Variants in FRMD3 observed in about 807,000 individuals in gnomAD.
The protein encoded by FRMD3 is FERM domain-containing protein 3.
FRMD3 carries 33 observed loss-of-function variants against 70.2 expected under a neutral mutation model. The observed-to-expected ratio is 0.47, with a 90% CI of 0.36 to 0.63. FRMD3 has a LOEUF of 0.63. Among genes scored for constraint, FRMD3 ranks in the 20% least tolerant of loss-of-function variants. The pLI is 0.00. For missense variants in FRMD3, 632 were observed against 711.4 expected (o/e 0.89, Z 1.27); for synonymous variants, 279 against 255.9 (o/e 1.09, Z -0.86).
intron 6 of FRMD3, among the ~76,000 whole-genome samples, chr9:83,317,333 C>A (rs1308497092): frequency 2.0e-5 from 3 of 152,042 alleles, no homozygotes; most frequent in African/African-American, 7.2e-5. Context: ...TGCAAAACTT[C>A]ACCCTAACGA....
chr9:83,315,214 G>T (rs1835519904), intron 6 of FRMD3, among the ~76,000 whole-genome samples: 1 of 152,084 alleles, frequency 6.6e-6, no homozygotes, highest in Non-Finnish European at 1.5e-5. Context: ...CTGCATTAAT[G>T]CTGCTTTCTT....
the FRMD3 span, among the ~76,000 whole-genome samples, chr9:83,569,043 T>A: frequency 6.6e-6 from 1 of 152,092 alleles, no homozygotes; most frequent in East Asian, 1.9e-4. Context: ...ATAGCCAATA[T>A]GAGTAAGGGA....
intron 3 of FRMD3, among the ~76,000 whole-genome samples, chr9:83,360,608 C>T (rs186182625): frequency 6.6e-6 from 1 of 152,234 alleles, no homozygotes; most frequent in East Asian, 1.9e-4. Context: ...AAGGACTTCC[C>T]CCAGGAGAGG....
intron 1 of FRMD3, among the ~76,000 whole-genome samples, chr9:83,452,504 C>T (rs901357824): frequency 5.9e-5 from 9 of 151,774 alleles, no homozygotes; most frequent in South Asian, 2.1e-4. Flanking sequence ...TTTTTTGAGA[C>T]GGAGTCTCGC....
In FRMD3 at chr9:83,248,388, T is replaced by C; in HGVS notation, c.1324A>G (p.Ile442Val). The change falls in exon 14 of 14, where the codon ATC becomes GTC. Residue 442 changes from isoleucine to valine, a missense_variant. By Grantham distance (29) the Ile-to-Val change is conservative. Transcript: ENST00000304195. ...CTTGGGTTGTACACTAGTTCAGAGATGGTTAAAGGTTCTTCTTTTATTTTA... is the reference window on the plus strand; with the variant it reads ...CTTGGGTTGTACACTAGTTCAGAGACGGTTAAAGGTTCTTCTTTTATTTTA... ...EDKIKEEPLT[I>V]SELVYNPSAS... 1 of 1,614,120 alleles carries C rather than the reference T, an allele frequency of 6.2e-7. No homozygotes were observed. The highest frequency in any genetic ancestry group is 8.5e-7 in the Non-Finnish European group (1 of 1,180,008).
chr9:83,254,401 T>C (rs919599547), intron 13 of FRMD3, among the ~76,000 whole-genome samples: 3 of 151,698 alleles, frequency 2.0e-5, no homozygotes, highest in African/African-American at 7.3e-5. Flanking sequence ...TCCAAATACC[T>C]TTCACTTACA....
chr9:83,357,819 T>A (rs1333040559), intron 3 of FRMD3, among the ~76,000 whole-genome samples: 1 of 152,236 alleles, frequency 6.6e-6, no homozygotes, highest in Non-Finnish European at 1.5e-5. Context: ...AGATTCTGGA[T>A]ATTAGTCCTT....
At chr9:83,486,878 G>A (rs1402889441) in intron 1 of FRMD3, among the ~76,000 whole-genome samples, 2 of 152,108 alleles carry the variant, frequency 1.3e-5, no homozygotes, top group Admixed American at 1.3e-4. Flanking sequence ...AGCAATGACT[G>A]AATATTCAAC....
the FRMD3 span, among the ~76,000 whole-genome samples, chr9:83,547,474 T>C: frequency 1.3e-5 from 2 of 151,882 alleles, no homozygotes; most frequent in South Asian, 2.1e-4. Context: ...GATCAATTCA[T>C]CAAGAAGATA....
the FRMD3 span, among the ~76,000 whole-genome samples, chr9:83,552,268 G>A: frequency 2.6e-5 from 4 of 152,132 alleles, no homozygotes; most frequent in South Asian, 2.1e-4. Context: ...TAATTTCCAC[G>A]TAATTGTATG....
chr9:83,579,743 T>G, the FRMD3 span, among the ~76,000 whole-genome samples: 1 of 152,072 alleles, frequency 6.6e-6, no homozygotes, highest in African/African-American at 2.4e-5. Flanking sequence ...TTTTTGGATA[T>G]GGCCCTGAAA....
chr9:83,482,414 G>T (rs1828588894), intron 1 of FRMD3, among the ~76,000 whole-genome samples: 1 of 152,108 alleles, frequency 6.6e-6, no homozygotes, highest in Non-Finnish European at 1.5e-5. Flanking sequence ...AGGGCTGTTA[G>T]GATATTCCAA....
the FRMD3 span, among the ~76,000 whole-genome samples, chr9:83,567,126 C>T: frequency 6.6e-6 from 1 of 152,218 alleles, no homozygotes; most frequent in East Asian, 1.9e-4. Flanking sequence ...GCAGAGGTTC[C>T]CAAACCTCAG....
chr9:83,265,494 T>C (rs753884555), intron 13 of FRMD3, among the ~76,000 whole-genome samples: 6 of 151,752 alleles, frequency 4.0e-5, no homozygotes, highest in Non-Finnish European at 7.4e-5. Flanking sequence ...ACATTAACAT[T>C]TGTAAAATAT....
At position 83,507,691 on chromosome 9, in the gene FRMD3, C is replaced by CATATATATAT. The variant is rs34251863; in HGVS notation, c.147+30384_147+30393dup. On this transcript the variant is annotated intron_variant, in intron 1 of 13. Transcript: ENST00000304195. ...TCTCAAACAAAAAAAAATATACATA[C>CATATATATAT]ATATATATATATATATATATATATA... 2.3e-3 allele frequency among the ~76,000 whole-genome samples: 112 copies of CATATATATAT among 49,188 alleles called. 3 individuals are homozygous for CATATATATAT. The highest frequency in any genetic ancestry group is 2.9e-3 in the Non-Finnish European group (82 of 28,714). 32.3% of individuals were successfully genotyped at this position (49,188 alleles called of 152,430 possible).
chr9:83,447,226 T>C (rs111551604), intron 1 of FRMD3, among the ~76,000 whole-genome samples: 4 of 152,168 alleles, frequency 2.6e-5, no homozygotes, highest in African/African-American at 9.6e-5. Context: ...GGTTTCATCA[T>C]GTTGGCTAGG....
intron 1 of FRMD3, among the ~76,000 whole-genome samples, chr9:83,483,396 T>C (rs1213427107): frequency 6.6e-6 from 1 of 152,168 alleles, no homozygotes; most frequent in African/African-American, 2.4e-5. Flanking sequence ...GGTAGTTCTT[T>C]ATAGCAGTGT....
intron 6 of FRMD3, among the ~76,000 whole-genome samples, chr9:83,317,158 T>C (rs1273416967): frequency 6.6e-6 from 1 of 151,218 alleles, no homozygotes; most frequent in Non-Finnish European, 1.5e-5. Context: ...AACAAACTTA[T>C]TGAATTCACA....
chr9:83,384,815 C>A (rs944425724), intron 2 of FRMD3, among the ~76,000 whole-genome samples: 6 of 152,152 alleles, frequency 3.9e-5, no homozygotes, highest in Non-Finnish European at 8.8e-5. Flanking sequence ...AAGTCAACAA[C>A]ACTGATGGAA....
Sources: gnomAD v4.1 joint callset for allele counts (sites outside exome capture counted in the v4.1 genomes callset) on GRCh38, gnomAD v4.1.1 for gene constraint, MANE v1.5 for transcripts, NCBI Gene and HGNC (gene_info 2026-07-23, HGNC 2026-07-21) for gene names.